TECPR2: variants seen among roughly 807,000 people sequenced by gnomAD.
The protein encoded by TECPR2 is tectonin beta-propeller repeat containing 2.
A neutral mutation model predicts 138.1 loss-of-function variants in TECPR2; 65 were observed. That is an observed-to-expected ratio of 0.47 (90% CI 0.39 to 0.58). The LOEUF (loss-of-function observed/expected upper bound fraction) is 0.58. Among genes scored for constraint, TECPR2 ranks in the 20% least tolerant of loss-of-function variants. TECPR2 has a pLI of 0.00. For synonymous variants in TECPR2, 746 were observed against 749.8 expected, an observed-to-expected ratio of 0.99 and a Z score of 0.08; for missense variants, 1,553 against 1,824.5, an observed-to-expected ratio of 0.85 and a Z score of 2.71.
At chr14:102,379,853 TCA>T (rs1455386517) in intron 2 of TECPR2, among the ~76,000 whole-genome samples, 5 of 147,758 alleles carry the variant, frequency 3.4e-5, no homozygotes, top group African/African-American at 1.3e-4. Flanking sequence ...CTGCTGAAGA[TCA>T]CAGTCTTAAA....
At chr14:102,485,745 T>A (rs1891013632) in intron 17 of TECPR2, among the ~76,000 whole-genome samples, 1 of 152,072 alleles carries the variant, frequency 6.6e-6, no homozygotes, top group Admixed American at 6.5e-5. Flanking sequence ...AGCCCAGAGA[T>A]CATCTTTAGG....
chr14:102,480,649 G>A (rs909450479), intron 17 of TECPR2, among the ~76,000 whole-genome samples: 1 of 151,196 alleles, frequency 6.6e-6, no homozygotes, highest in Non-Finnish European at 1.5e-5. Flanking sequence ...CCTCCAAAAT[G>A]GCTAGGGGTA....
Position 102,445,958 on chromosome 14 carries a change from A to G in TECPR2, c.3075+11A>G, listed in dbSNP as rs1889965421. 6.2e-7 allele frequency: 1 copy of G among 1,608,514 alleles called. No individual in the cohort carries two copies. The highest frequency in any genetic ancestry group is 8.5e-7 in the Non-Finnish European group (1 of 1,176,144). On this transcript the variant is annotated intron_variant, in intron 13 of 19. Transcript: ENST00000359520. Reference sequence around the variant, plus strand: ...GACCATTGGTGGCAAGTAGGTGTTCAGCTCTGCGCCACGTGCCGAGGTCTC... The same window carrying G: ...GACCATTGGTGGCAAGTAGGTGTTCGGCTCTGCGCCACGTGCCGAGGTCTC...
intron 17 of TECPR2, among the ~76,000 whole-genome samples, chr14:102,469,549 G>A (rs1164139475): frequency 6.6e-6 from 1 of 152,110 alleles, no homozygotes; most frequent in Non-Finnish European, 1.5e-5. Flanking sequence ...CTATCTGTAT[G>A]TCTTTTATTT....
intron 2 of TECPR2, among the ~76,000 whole-genome samples, chr14:102,401,382 T>C (rs942954131): frequency 4.2e-5 from 6 of 144,366 alleles, no homozygotes; most frequent in Non-Finnish European, 7.5e-5. Flanking sequence ...GAGGTTGTAG[T>C]GAGCTGAGAT....
chr14:102,399,203 A>G (rs1888402882), intron 2 of TECPR2, among the ~76,000 whole-genome samples: 1 of 152,214 alleles, frequency 6.6e-6, no homozygotes, highest in African/African-American at 2.4e-5. Context: ...CAGAGGTTGC[A>G]GTGAGCTGAG....
rs1159653504 is a variant in TECPR2, at chr14:102,498,867, ACACAACACACCTCACCTCACAC to A, written c.*615_*636del. 2 of 658,274 alleles carry A rather than the reference ACACAACACACCTCACCTCACAC, an allele frequency of 3.0e-6. No homozygotes were observed. The highest frequency in any genetic ancestry group is 2.1e-5 in the Admixed American group (1 of 48,448). 40.8% of individuals were successfully genotyped at this position (658,274 alleles called of 1,614,324 possible). A position where few individuals can be genotyped will look rare whatever the true frequency, so the allele number is the denominator to read the frequency against. On this transcript the variant is annotated 3_prime_UTR_variant, in exon 20 of 20. Coordinates refer to ENST00000359520, the MANE Select transcript of TECPR2 (RefSeq NM_014844.5). Reference sequence around the variant, plus strand: ...AACCCACGCACATGCACACCACAACACACAACACACCTCACCTCACACCACAGCACACCTCACCACACCACAC... The same window carrying A: ...AACCCACGCACATGCACACCACAACACACAGCACACCTCACCACACCACAC...
At chr14:102,402,209 C>A (rs1366449684) in intron 2 of TECPR2, among the ~76,000 whole-genome samples, 2 of 152,016 alleles carry the variant, frequency 1.3e-5, no homozygotes, top group Non-Finnish European at 2.9e-5. Flanking sequence ...TTATTGCAAC[C>A]ACAACAGGAT....
In TECPR2 at chr14:102,498,699, G is replaced by A. The variant is rs867884467; in HGVS notation, c.*442G>A. On this transcript the variant is annotated 3_prime_UTR_variant, in exon 20 of 20. Transcript: ENST00000359520. ...GCCAAAGGTCAGCTCTCTGCAGCGC[G>A]GGATGTGCTCGGTGATGGCTTTGTC... The A allele has an allele frequency of 2.0e-4, 82 of 420,148 alleles. No homozygotes were observed. Among genetic ancestry groups the A allele is most frequent in the South Asian group, 1.5e-3 (79 of 52,014 alleles). The allele number at this position is 420,148 out of a possible 1,614,324, so 26.0% of individuals were successfully genotyped here.
Position 102,443,668 on chromosome 14 carries a change from G to A in TECPR2, c.2774G>A (p.Cys925Tyr). The A allele has an allele frequency of 6.2e-7, 1 of 1,601,630 alleles. No homozygotes were observed. Among genetic ancestry groups the A allele is most frequent in the Non-Finnish European group, 8.5e-7 (1 of 1,171,014 alleles). ...LQTGLSVDRP[C>Y]ARAVKVDCPY... is the part of the protein sequence containing the mutation. Reference sequence around the variant, plus strand: ...GCAGGTCTGAGCGTGGATCGCCCTTGTGCCAGAGCCGTAAAGGTGGACTGT... The same window carrying A: ...GCAGGTCTGAGCGTGGATCGCCCTTATGCCAGAGCCGTAAAGGTGGACTGT... Residue 925 changes from cysteine to tyrosine, a missense_variant, in exon 12 of 20, where the codon TGT (cysteine) becomes TAT (tyrosine). Coordinates refer to ENST00000359520, the MANE Select transcript of TECPR2 (RefSeq NM_014844.5). This position sits in a 1 kb window ranked among gnomAD's most constrained non-coding sequence, Gnocchi z 4.9.
chr14:102,497,405 T>A, intron 18 of TECPR2, 165 bp from the exon 19 acceptor site: 1 of 1,085,588 alleles, frequency 9.2e-7, no homozygotes. Flanking sequence ...CCCTGCCAAC[T>A]GGTCGTCCTT....
At chr14:102,406,508 T>C (rs561722345) in intron 2 of TECPR2, among the ~76,000 whole-genome samples, 222 of 151,864 alleles carry the variant, frequency 1.5e-3, no homozygotes, top group Non-Finnish European at 6.9e-4. Flanking sequence ...GTGGCGCCAC[T>C]GCACTCCAGC....
intron 17 of TECPR2, chr14:102,496,753 A>G: frequency 1.7e-6 from 1 of 591,320 alleles, no homozygotes; most frequent in South Asian, 2.1e-5. Context: ...CCATGCTGGT[A>G]TCTGCTGGGC....
chr14:102,404,898 C>T (rs118125619), intron 2 of TECPR2, among the ~76,000 whole-genome samples: 2,548 of 151,758 alleles, frequency 0.017, 28 homozygotes, highest in Middle Eastern at 0.027. Context: ...TTGATAAGGA[C>T]GTGAAGATTG....
At position 102,498,223 on chromosome 14, in the gene TECPR2, C is replaced by T; in HGVS notation, c.4202C>T (p.Pro1401Leu). The T allele has an allele frequency of 6.2e-7, 1 of 1,606,086 alleles. No individual in the cohort carries two copies. The highest frequency in any genetic ancestry group is 8.5e-7 in the Non-Finnish European group (1 of 1,179,950). Residue 1401 changes from proline (P) to leucine (L), a missense_variant, in exon 20 of 20, where the codon CCT becomes CTT. Physicochemically the swap from Pro to Leu is moderately conservative, Grantham distance 98 (BLOSUM62 -3). Transcript: ENST00000359520. ...QKSSQAAMPH[P>L]EDLEDEWEVI ...AGCAGCCAGGCCGCCATGCCCCACC[C>T]TGAGGACCTGGAGGACGAGTGGGAG...
In TECPR2 at chr14:102,474,770, C is replaced by A. The variant is rs1255811187; in HGVS notation, c.3789+9481C>A. Reference sequence around the variant, plus strand: ...CCATCTTTTGTGGGTCAGTGAGCAACCTTTCTTCTCCGAGGCACGTCTCTG... The same window carrying A: ...CCATCTTTTGTGGGTCAGTGAGCAAACTTTCTTCTCCGAGGCACGTCTCTG... On this transcript the variant is annotated intron_variant, in intron 17 of 19. Coordinates refer to ENST00000359520, the MANE Select transcript of TECPR2 (RefSeq NM_014844.5). Among the ~76,000 whole-genome samples the A allele has an allele frequency of 5.3e-4, 80 of 152,108 alleles. 2 individuals carry two copies. Among genetic ancestry groups the A allele is most frequent in the Admixed American group, 5.2e-3 (80 of 15,256 alleles).
At chr14:102,423,869 G>A (rs78782161) in intron 5 of TECPR2, among the ~76,000 whole-genome samples, 66 of 152,318 alleles carry the variant, frequency 4.3e-4, no homozygotes, top group African/African-American at 1.5e-3. Context: ...ATGGGTTGCT[G>A]TGAAGCTCAT....
At chr14:102,470,319 T>C (rs1031518114) in intron 17 of TECPR2, among the ~76,000 whole-genome samples, 1 of 151,896 alleles carries the variant, frequency 6.6e-6, no homozygotes, top group African/African-American at 2.4e-5. Flanking sequence ...TTTTTTTTTT[T>C]TTTTCTGACA....
rs528675601 is a variant in TECPR2 at position 102,453,185 on chromosome 14, C to G, written c.3640+558C>G. Among the ~76,000 whole-genome samples, 148 of 152,220 alleles carry G rather than the reference C, an allele frequency of 9.7e-4. 2 individuals are homozygous for G. The highest frequency in any genetic ancestry group is 3.5e-3 in the African/African-American group (144 of 41,544). ...GTGGAGTAGGCTAAGAAATGTAGTG[C>G]TATTTGTAGGCCGGGCGCAGTGGCT... On this transcript the variant is annotated intron_variant, in intron 16 of 19. Coordinates refer to ENST00000359520, the MANE Select transcript of TECPR2 (RefSeq NM_014844.5).
Sources: allele counts gnomAD v4.1 joint callset (sites outside exome capture counted in the v4.1 genomes callset), GRCh38; gene constraint gnomAD v4.1.1; non-coding constraint Gnocchi (gnomAD v3.1); transcripts MANE v1.5; gene names NCBI Gene and HGNC (gene_info 2026-07-23, HGNC 2026-07-21).